Variants in DPP10 observed in about 807,000 individuals in gnomAD.
The protein encoded by DPP10 is inactive dipeptidyl peptidase 10.
DPP10 carries 33 observed loss-of-function variants against 120.9 expected under a neutral mutation model. That is an observed-to-expected ratio of 0.27 (90% confidence interval 0.21 to 0.37). The LOEUF (loss-of-function observed/expected upper bound fraction) is 0.37. Ranked by LOEUF, DPP10 falls within the 10% of genes least tolerant of loss-of-function variation. DPP10 has a pLI of 1.00. For missense variants in DPP10, 816 were observed against 942.8 expected (o/e 0.87, Z 1.76); for synonymous variants, 337 against 326.1 (o/e 1.03, Z -0.36).
intron 1 of DPP10, among the ~76,000 whole-genome samples, chr2:115,059,138 TGAAA>T (rs894331801): frequency 2.0e-5 from 3 of 147,048 alleles, no homozygotes; most frequent in South Asian, 2.2e-4. Context: ...AAAACAAAGG[TGAAA>T]GAAAGAACAA....
chr2:114,930,120 C>A (rs1158313232), intron 1 of DPP10, among the ~76,000 whole-genome samples: 1 of 152,092 alleles, frequency 6.6e-6, no homozygotes, highest in Non-Finnish European at 1.5e-5. Context: ...TCAAAGATTT[C>A]TGAAAAGCCT....
chr2:114,903,778 G>A (rs1047612383), intron 1 of DPP10, among the ~76,000 whole-genome samples: 1 of 152,170 alleles, frequency 6.6e-6, no homozygotes, highest in Non-Finnish European at 1.5e-5. Flanking sequence ...AGGATTTGTA[G>A]CCTTATAAGG....
intron 1 of DPP10, among the ~76,000 whole-genome samples, chr2:114,530,289 G>A (rs1015851232): frequency 1.3e-5 from 2 of 152,040 alleles, no homozygotes; most frequent in African/African-American, 2.4e-5. Context: ...ACAACTTGTG[G>A]CAAATGATTA....
intron 1 of DPP10, among the ~76,000 whole-genome samples, chr2:114,716,785 T>G (rs1192576955): frequency 2.6e-5 from 4 of 152,204 alleles, no homozygotes; most frequent in African/African-American, 9.6e-5. Flanking sequence ...GTGGATAGTT[T>G]ATAAAGTCTC....
intron 1 of DPP10, among the ~76,000 whole-genome samples, chr2:114,579,347 T>G (rs1690308135): frequency 1.3e-5 from 2 of 152,156 alleles, no homozygotes; most frequent in Non-Finnish European, 2.9e-5. Context: ...GCCTTGGCTC[T>G]CCTCAATTTT....
chr2:115,617,809 C>T (rs548252437), intron 5 of DPP10, among the ~76,000 whole-genome samples: 3 of 152,102 alleles, frequency 2.0e-5, no homozygotes, highest in Non-Finnish European at 4.4e-5. Flanking sequence ...GCTGTTTTTT[C>T]CTTTATGTCC....
At chr2:115,324,569 C>G (rs2062244008) in intron 2 of DPP10, among the ~76,000 whole-genome samples, 1 of 152,162 alleles carries the variant, frequency 6.6e-6, no homozygotes, top group Non-Finnish European at 1.5e-5. Flanking sequence ...GGACCTTACT[C>G]TAGATTAGGC....
chr2:115,572,506 T>C (rs533739720), intron 5 of DPP10, among the ~76,000 whole-genome samples: 1 of 152,312 alleles, frequency 6.6e-6, no homozygotes, highest in South Asian at 2.1e-4. Flanking sequence ...AACACAGATA[T>C]GCTATATGTG....
chr2:115,271,920 C>A (rs1421073770), intron 1 of DPP10, among the ~76,000 whole-genome samples: 1 of 152,084 alleles, frequency 6.6e-6, no homozygotes, highest in African/African-American at 2.4e-5. Context: ...GAAAATATTT[C>A]TTATTTAATC....
chr2:114,635,876 T>C (rs72953567), intron 1 of DPP10, among the ~76,000 whole-genome samples: 16,776 of 151,906 alleles, frequency 0.11, 1,421 homozygotes, highest in African/African-American at 0.21. Flanking sequence ...AACATGAGGA[T>C]ATTCCAAATG....
At chr2:115,136,747 C>G (rs777652971) in intron 1 of DPP10, among the ~76,000 whole-genome samples, 2 of 151,916 alleles carry the variant, frequency 1.3e-5, no homozygotes, top group Non-Finnish European at 2.9e-5. Flanking sequence ...TACATGTATA[C>G]AAATAATCTT....
At chr2:115,692,351 C>T (rs1395337219) in intron 7 of DPP10, among the ~76,000 whole-genome samples, 1 of 151,692 alleles carries the variant, frequency 6.6e-6, no homozygotes, top group Non-Finnish European at 1.5e-5. Flanking sequence ...TCTATATGTG[C>T]CTACAGGATC....
intron 1 of DPP10, among the ~76,000 whole-genome samples, chr2:114,956,986 C>CAAAAAAAAAAAAAA (rs764400761): frequency 3.7e-5 from 4 of 106,968 alleles, no homozygotes; most frequent in Admixed American, 9.3e-5. Context: ...TAAAACTATT[C>CAAAAAAAAAAAAAA]AAAAAAAAAA....
intron 1 of DPP10, among the ~76,000 whole-genome samples, chr2:114,810,580 G>A (rs139883660): frequency 2.3e-3 from 346 of 152,138 alleles, no homozygotes; most frequent in African/African-American, 7.1e-3. Flanking sequence ...TATACTTAAG[G>A]GACTAAATCA....
At chr2:115,080,113 G>C (rs1181198824) in intron 1 of DPP10, among the ~76,000 whole-genome samples, 1 of 152,150 alleles carries the variant, frequency 6.6e-6, no homozygotes, top group South Asian at 2.1e-4. Context: ...TGCCTCCGGG[G>C]TTCAAGCGAT....
At chr2:115,195,337 C>T (rs1458895697) in intron 1 of DPP10, among the ~76,000 whole-genome samples, 1 of 152,108 alleles carries the variant, frequency 6.6e-6, no homozygotes, top group Admixed American at 6.5e-5. Context: ...CACCGCCACC[C>T]CTAAAACCCG....
In DPP10 at chr2:114,531,357, G is replaced by A. The variant is rs575102040; in HGVS notation, c.60+88519G>A. 2.0e-5 allele frequency among the ~76,000 whole-genome samples: 3 copies of A among 152,016 alleles called. No homozygotes were observed. The East Asian group carries it at 5.8e-4, about 29-fold the overall frequency. ...CTAAAAAGTACTGCTTATGTCACGT[G>A]TGAATCCTTTCTTGATGATGATGAT... On this transcript the variant is annotated intron_variant, in intron 1 of 25. Coordinates refer to ENST00000410059, the MANE Select transcript of DPP10 (RefSeq NM_020868.6).
chr2:114,730,417 G>A (rs953306287), intron 1 of DPP10, among the ~76,000 whole-genome samples: 3 of 152,186 alleles, frequency 2.0e-5, no homozygotes, highest in Non-Finnish European at 4.4e-5. Flanking sequence ...GTACTTTGGT[G>A]TGGTCATGAA....
intron 1 of DPP10, among the ~76,000 whole-genome samples, chr2:114,856,304 G>A (rs574872590): frequency 1.9e-4 from 29 of 152,202 alleles, no homozygotes; most frequent in Admixed American, 1.4e-3. Context: ...TAAGATATAA[G>A]TAGAAATGTA....
Sources: gnomAD v4.1 joint callset for allele counts (sites outside exome capture counted in the v4.1 genomes callset) on GRCh38, gnomAD v4.1.1 for gene constraint, MANE v1.5 for transcripts, NCBI Gene and HGNC (gene_info 2026-07-23, HGNC 2026-07-21) for gene names.